The following MYH9 variants were observed in gnomAD, a reference collection of about 807,000 sequenced individuals.
The protein encoded by MYH9 is myosin heavy chain 9.
In MYH9, 29 loss-of-function variants were observed where a neutral mutation model predicts 241.9. The observed-to-expected ratio is 0.12, with a 90% confidence interval of 0.09 to 0.16. MYH9 has a LOEUF of 0.16. Among genes scored for constraint, MYH9 ranks in the 10% least tolerant of loss-of-function variants. MYH9 has a pLI of 1.00. For missense variants in MYH9, 1,803 were observed against 2,595.5 expected, an observed-to-expected ratio of 0.69 and a Z score of 6.63; for synonymous variants, 1,047 against 1,062.6, an observed-to-expected ratio of 0.99 and a Z score of 0.29.
intron 15 of MYH9, chr22:36,308,686 G>T (rs1301700350): frequency 1.8e-5 from 7 of 394,762 alleles, no homozygotes; most frequent in Non-Finnish European, 2.4e-5. Flanking sequence ...AGGGAACGGG[G>T]GTGTAAGCAG....
At position 36,294,236 on chromosome 22, in the gene MYH9, G is replaced by A. The variant is rs148043336; in HGVS notation, c.3693C>T (p.Asn1231=). ...TLENERGELA[N]EVKVLLQGKG... ...TGCCCTGCAGCAGCACCTTCACCTC[G>A]TTGGCCAGCTCCCCCCGCTCGTTCT... Residue 1231 remains asparagine, a synonymous_variant, in exon 28 of 41, where the codon AAC becomes AAT. Coordinates refer to ENST00000216181, the MANE Select transcript of MYH9 (RefSeq NM_002473.6). 4.8e-5 allele frequency: 78 copies of A among 1,614,100 alleles called. No homozygotes were observed. The Middle Eastern group carries it at 1.5e-3, about 31-fold the overall frequency.
intron 1 of MYH9, among the ~76,000 whole-genome samples, chr22:36,356,977 T>A (rs1199349183): frequency 6.6e-6 from 1 of 152,266 alleles, no homozygotes; most frequent in Non-Finnish European, 1.5e-5. Context: ...TGGCCTCAAC[T>A]GTAAATGCAG....
intron 12 of MYH9, among the ~76,000 whole-genome samples, chr22:36,315,762 A>G (rs952783880): frequency 6.6e-6 from 1 of 151,126 alleles, no homozygotes; most frequent in Non-Finnish European, 1.5e-5. Context: ...AAAAAATAAC[A>G]AACAAACAAA....
chr22:36,319,773 C>G (rs45614543), intron 9 of MYH9, 138 bp from the exon 10 acceptor site: 3 of 869,604 alleles, frequency 3.4e-6, no homozygotes, highest in South Asian at 2.8e-5. Flanking sequence ...GCCACAGGGG[C>G]GCCAGGTCTG....
At chr22:36,299,815 C>T (rs1024632398) in intron 23 of MYH9, among the ~76,000 whole-genome samples, 2 of 152,234 alleles carry the variant, frequency 1.3e-5, no homozygotes, top group Non-Finnish European at 2.9e-5. Context: ...CCCAACCCCA[C>T]AGTGACCAAC....
chr22:36,370,420 T>C (rs992796050), intron 1 of MYH9, among the ~76,000 whole-genome samples: 33 of 152,336 alleles, frequency 2.2e-4, no homozygotes, highest in East Asian at 7.7e-4. Flanking sequence ...CAAGGCACCA[T>C]GCAAGGGTCC....
chr22:36,290,188 T>C (rs902242339), intron 31 of MYH9, among the ~76,000 whole-genome samples: 1 of 152,070 alleles, frequency 6.6e-6, no homozygotes, highest in Non-Finnish European at 1.5e-5. Context: ...GTGAGATCCC[T>C]GTCACTATGA....
intron 1 of MYH9, among the ~76,000 whole-genome samples, chr22:36,383,269 G>A (rs2018287086): frequency 6.6e-6 from 1 of 152,152 alleles, no homozygotes; most frequent in Non-Finnish European, 1.5e-5. Context: ...CTCACCCAGA[G>A]CCAGAGTTGG....
At position 36,281,612 on chromosome 22, in the gene MYH9, T is replaced by C. The variant is rs1476779963; in HGVS notation, c.*1056A>G. The C allele has an allele frequency of 4.3e-6, 1 of 230,468 alleles. No individual in the cohort carries two copies. Among genetic ancestry groups the C allele is most frequent in the Admixed American group, 5.7e-5 (1 of 17,688 alleles). The allele number at this position is 230,468 out of a possible 1,614,324, so 14.3% of individuals were successfully genotyped here. A position where few individuals can be genotyped will look rare whatever the true frequency, so the allele number is the denominator to read the frequency against. On this transcript the variant is annotated 3_prime_UTR_variant, in exon 41 of 41. Coordinates refer to ENST00000216181, the MANE Select transcript of MYH9 (RefSeq NM_002473.6). ...CCAGTGTAGACCAGTGAGGACGAGC[T>C]ACTCTCTTCTAAACAAAGGCAGTGA...
At chr22:36,314,042 T>G in intron 13 of MYH9, 103 bp downstream of exon 13, 1 of 1,435,004 alleles carries the variant, frequency 7.0e-7, no homozygotes, top group Non-Finnish European at 9.8e-7. Flanking sequence ...GGAAGGGGAG[T>G]TAAGACACCT....
intron 2 of MYH9, 31 bp from the exon 3 acceptor site, chr22:36,341,557 T>C: frequency 6.2e-7 from 1 of 1,610,768 alleles, no homozygotes; most frequent in Non-Finnish European, 8.5e-7. Context: ...TAGGAACAGG[T>C]TAGGAAGTTT....
At chr22:36,284,309 T>G (rs1410616433) in intron 39 of MYH9, 44 bp from the exon 40 acceptor site, 5 of 1,604,414 alleles carry the variant, frequency 3.1e-6, no homozygotes, top group Non-Finnish European at 4.2e-6. Flanking sequence ...TTAGGGGCTC[T>G]GGGCGTGCAG....
intron 1 of MYH9, among the ~76,000 whole-genome samples, chr22:36,386,917 C>G (rs2018360843): frequency 6.6e-6 from 1 of 152,272 alleles, no homozygotes; most frequent in Non-Finnish European, 1.5e-5. Context: ...AGGAAAGATG[C>G]AATCGCCCAG....
chr22:36,301,027 G>T lies in MYH9; in HGVS notation c.2662C>A (p.Gln888Lys). ...LMAEKLQLQE[Q>K]LQAETELCAE... ...CACAGCTCGGTTTCTGCCTGGAGCT[G>T]CTCCTGCAGCTGCAATTTCTCTGCC... Residue 888 changes from glutamine (Q) to lysine (K), a missense_variant, in exon 22 of 41, where the codon CAG becomes AAG. Transcript: ENST00000216181. The T allele has an allele frequency of 6.2e-7, 1 of 1,610,974 alleles. No homozygotes were observed.
intron 1 of MYH9, among the ~76,000 whole-genome samples, chr22:36,386,863 G>A (rs2018359942): frequency 6.6e-6 from 1 of 152,246 alleles, no homozygotes; most frequent in African/African-American, 2.4e-5. Context: ...ACAGGGAAGC[G>A]GGTGCGTGGA....
At chr22:36,376,115 C>T (rs2018163515) in intron 1 of MYH9, among the ~76,000 whole-genome samples, 1 of 151,808 alleles carries the variant, frequency 6.6e-6, no homozygotes, top group Non-Finnish European at 1.5e-5. Context: ...GCATGCACCA[C>T]CACACCCGGC....
rs2016795712 is a variant in MYH9, at chr22:36,296,849, A to C, written c.3266T>G (p.Leu1089Arg). ...GGGCAGGCGGGGTCCTCACCTGGCC[A>C]GGGCGGCCTGGAGCTCCTCCTCTTT... ...AKKEEELQAA[L>R]ARVEEEAAQK... Residue 1089 changes from leucine to arginine, a missense_variant, in exon 25 of 41, where the codon CTG (leucine) becomes CGG (arginine). Physicochemically the swap from Leu to Arg is moderately radical, Grantham distance 102. Coordinates refer to ENST00000216181, the MANE Select transcript of MYH9 (RefSeq NM_002473.6). 1 of 1,609,582 alleles carries C rather than the reference A, an allele frequency of 6.2e-7. No homozygotes were observed. The highest frequency in any genetic ancestry group is 8.5e-7 in the Non-Finnish European group (1 of 1,178,720).
chr22:36,313,314 T>C (rs1603483301), intron 13 of MYH9, among the ~76,000 whole-genome samples: 1 of 149,300 alleles, frequency 6.7e-6, no homozygotes, highest in Non-Finnish European at 1.5e-5. Flanking sequence ...TAGCTGGGCG[T>C]GGTGGCGGGC....
At chr22:36,333,305 C>A (rs916584182) in intron 3 of MYH9, among the ~76,000 whole-genome samples, 1 of 152,100 alleles carries the variant, frequency 6.6e-6, no homozygotes, top group Non-Finnish European at 1.5e-5. Context: ...GAGGAGCGGT[C>A]GGTAGAAGGA....
Sources: gnomAD v4.1 joint callset for allele counts (sites outside exome capture counted in the v4.1 genomes callset) on GRCh38, gnomAD v4.1.1 for gene constraint, MANE v1.5 for transcripts, NCBI Gene and HGNC (gene_info 2026-07-23, HGNC 2026-07-21) for gene names.